The following SMARCC2 variants were observed in gnomAD, a reference collection of about 807,000 sequenced individuals.
SMARCC2 encodes the protein SWI/SNF complex subunit SMARCC2.
In SMARCC2, 15 loss-of-function variants were observed where a neutral mutation model predicts 151.3. The ratio of observed to expected loss-of-function variants is 0.10; its 90% CI spans 0.07 to 0.15. SMARCC2 has a LOEUF of 0.15. Among genes scored for constraint, SMARCC2 ranks in the 10% least tolerant of loss-of-function variants. The pLI is 1.00. For synonymous variants in SMARCC2, 590 were observed against 609.5 expected (o/e 0.97, Z 0.47); for missense variants, 1,031 against 1,599.7 (o/e 0.64, Z 6.06).
At position 56,182,037 on chromosome 12, in the gene SMARCC2, C is replaced by T. The variant is rs749755036; in HGVS notation, c.675G>A (p.Val225=). Residue 225 remains valine, a synonymous_variant, in exon 8 of 29, where the codon GTG becomes GTA. Coordinates refer to ENST00000550164, the MANE Select transcript of SMARCC2 (RefSeq NM_001330288.2). ...GTTTCTCAGGAGTTGGAGCATCTTC[C>T]ACAGATGCCTCAATTTCACTCGCTG... The part of the protein sequence containing the change: ...WIPASEIEAS[V]EDAPTPEKPR... 6.2e-7 allele frequency: 1 copy of T among 1,612,736 alleles called. No homozygotes were observed. The highest frequency in any genetic ancestry group is 1.1e-5 in the South Asian group (1 of 90,858).
At chr12:56,172,887 C>T in intron 18 of SMARCC2, 50 bp downstream of exon 18, 2 of 1,600,738 alleles carry the variant, frequency 1.2e-6, no homozygotes, top group Non-Finnish European at 1.7e-6. Flanking sequence ...GCAGGGGCCC[C>T]CCAATAAAGG....
intron 15 of SMARCC2, among the ~76,000 whole-genome samples, chr12:56,176,284 G>T (rs560099021): frequency 6.6e-6 from 1 of 152,354 alleles, no homozygotes; most frequent in Admixed American, 6.5e-5. Flanking sequence ...AGAGAAGGAA[G>T]AGAGAACCAT....
intron 1 of SMARCC2, 27 bp downstream of exon 1, chr12:56,189,324 C>T (rs1178025384): frequency 7.0e-7 from 1 of 1,420,690 alleles, no homozygotes; most frequent in Non-Finnish European, 9.5e-7. Flanking sequence ...CCCCCGGTCC[C>T]CGCGCGGCCC....
Position 56,171,591 on chromosome 12 carries a change from A to G in SMARCC2, c.2185+88T>C. On this transcript the variant is annotated intron_variant, in intron 21 of 28. Transcript: ENST00000550164. The surrounding 1 kb of genome is among the most constrained non-coding windows in gnomAD (Gnocchi z 4.2). Reference sequence around the variant, plus strand: ...CCCGCACAGACAAGGCCAGCAGGGCAGCCAAACTTGAGAGGATTCACAGTC... The same window carrying G: ...CCCGCACAGACAAGGCCAGCAGGGCGGCCAAACTTGAGAGGATTCACAGTC... 6.7e-7 allele frequency: 1 copy of G among 1,502,454 alleles called. No individual in the cohort carries two copies. Among genetic ancestry groups the G allele is most frequent in the Non-Finnish European group, 9.0e-7 (1 of 1,117,138 alleles). The allele number at this position is 1,502,454 out of a possible 1,614,324, so 93.1% of individuals were successfully genotyped here.
Position 56,164,521 on chromosome 12 carries a change from T to C in SMARCC2, c.3443A>G (p.His1148Arg). 6.2e-7 allele frequency: 1 copy of C among 1,614,080 alleles called. No individual in the cohort carries two copies. Among genetic ancestry groups the C allele is most frequent in the Non-Finnish European group, 8.5e-7 (1 of 1,180,028 alleles). The change falls in exon 28 of 29, where the codon CAT becomes CGT. Residue 1148 changes from histidine to arginine, a missense_variant. By Grantham distance (29) the His-to-Arg change is conservative. Coordinates refer to ENST00000550164, the MANE Select transcript of SMARCC2 (RefSeq NM_001330288.2). ...SINLPAPPNL[H>R]GHHHHLPFAP... Reference sequence around the variant, plus strand: ...GAACGGGAGATGGTGGTGATGCCCATGCAGGTTAGGAGGAGCGGGGAGGTT... The same window carrying C: ...GAACGGGAGATGGTGGTGATGCCCACGCAGGTTAGGAGGAGCGGGGAGGTT...
chr12:56,180,482 C>T (rs1875976634), intron 11 of SMARCC2, among the ~76,000 whole-genome samples: 1 of 150,580 alleles, frequency 6.6e-6, no homozygotes, highest in Non-Finnish European at 1.5e-5. Flanking sequence ...CGGCTCCCTG[C>T]AACCTCTACC....
At chr12:56,178,670 A>G in intron 13 of SMARCC2, 136 bp from the exon 14 acceptor site, 1 of 1,387,396 alleles carries the variant, frequency 7.2e-7, no homozygotes, top group Non-Finnish European at 1.0e-6. Flanking sequence ...CAGGACTCTG[A>G]AAGGGTCAGA....
intron 6 of SMARCC2, 27 bp from the exon 7 acceptor site, chr12:56,183,957 G>T: frequency 3.2e-6 from 5 of 1,556,472 alleles, no homozygotes; most frequent in Non-Finnish European, 4.4e-6. Context: ...AGAAGGGAGA[G>T]ATATAAGCTA....
intron 25 of SMARCC2, 23 bp downstream of exon 25, chr12:56,169,506 A>C: frequency 6.2e-7 from 1 of 1,610,898 alleles, no homozygotes; most frequent in Non-Finnish European, 8.5e-7. Flanking sequence ...TTCTTCCCTG[A>C]GGTCTTCAAG....
Position 56,189,387 on chromosome 12 carries a change from G to C in SMARCC2, c.75C>G (p.Asp25Glu). 1 of 1,544,236 alleles carries C rather than the reference G, an allele frequency of 6.5e-7. No homozygotes were observed. Among genetic ancestry groups the C allele is most frequent in the Non-Finnish European group, 8.8e-7 (1 of 1,142,758 alleles). Residue 25 changes from aspartate to glutamate, a missense_variant, in exon 1 of 29, where the codon GAC becomes GAG. By Grantham distance (45) the Asp-to-Glu change is conservative. Coordinates refer to ENST00000550164, the MANE Select transcript of SMARCC2 (RefSeq NM_001330288.2). ...TCTTGCCGAGCCACAGCCGCACGTT[G>C]TCGAACTGGGTCACGGTGTCCGCGG... ...YEAADTVTQF[D>E]NVRLWLGKNY...
In SMARCC2 at chr12:56,163,735, G is replaced by A. The variant is rs1169500531; in HGVS notation, c.3692C>T (p.Thr1231Ile). Residue 1231 changes from threonine (T) to isoleucine (I), a missense_variant, in exon 29 of 29, where the codon ACA becomes ATA. By Grantham distance (89) the Thr-to-Ile change is moderately conservative (BLOSUM62 -1). Around this residue, in one of 12 missense-constraint regions of SMARCC2, gnomAD observed 310 missense variants for 350.0 expected, o/e 0.89. Transcript: ENST00000550164. ...DPGTPLPPDP[T>I]APSPGTVTPV... is the part of the protein sequence containing the mutation. ...GGTGACCGTGCCTGGGCTCGGGGCT[G>A]TGGGGTCTGGAGGCAGGGGGGTGCC... 1.3e-6 allele frequency: 2 copies of A among 1,512,826 alleles called. No homozygotes were observed. The highest frequency in any genetic ancestry group is 1.8e-6 in the Non-Finnish European group (2 of 1,141,330). The allele number at this position is 1,512,826 out of a possible 1,614,324, so 93.7% of individuals were successfully genotyped here.
chr12:56,189,247 G>A, intron 1 of SMARCC2, 104 bp downstream of exon 1: 2 of 523,202 alleles, frequency 3.8e-6, no homozygotes, highest in Non-Finnish European at 5.9e-6. Flanking sequence ...GGCCGCGGGG[G>A]AGGGGCTGGG....
At chr12:56,185,337 C>A in intron 3 of SMARCC2, 1 of 483,962 alleles carries the variant, frequency 2.1e-6, no homozygotes, top group Non-Finnish European at 3.8e-6. Flanking sequence ...CACCACCTCA[C>A]GTGGCTAATT....
chr12:56,184,553 A>G, intron 5 of SMARCC2: 2 of 538,588 alleles, frequency 3.7e-6, no homozygotes, highest in Non-Finnish European at 6.6e-6. Context: ...TCCAAAGAGC[A>G]GGAATTTCAT....
Position 56,181,607 on chromosome 12 carries a change from G to A in SMARCC2, c.841-10C>T, listed in dbSNP as rs1289085357. On this transcript the variant is annotated splice_polypyrimidine_tract_variant and intron_variant, in intron 9 of 28. Transcript: ENST00000550164. ...AATCTGGGCTGTTCACCTATAGGAT[G>A]GAGAATCAGGACAAATGTCAGCCTA... is the stretch of plus-strand genomic sequence containing the variant. 5.0e-6 allele frequency: 8 copies of A among 1,604,798 alleles called. No homozygotes were observed. Among genetic ancestry groups the A allele is most frequent in the Middle Eastern group, 3.3e-4 (2 of 6,052 alleles).
rs1000278484 is a variant in SMARCC2, at chr12:56,162,458, C to T, written c.*1231G>A. On this transcript the variant is annotated 3_prime_UTR_variant, in exon 29 of 29. Coordinates refer to ENST00000550164, the MANE Select transcript of SMARCC2 (RefSeq NM_001330288.2). ...TTTGAACAGAAGAAAGGTGCTAAGA[C>T]GCAGAGGGAGAGAAACATGGGGACA... The T allele has an allele frequency of 1.0e-5, 6 of 593,582 alleles. No individual in the cohort carries two copies. The highest frequency in any genetic ancestry group is 4.4e-5 in the South Asian group (2 of 45,680). The allele number at this position is 593,582 out of a possible 1,614,324, so 36.8% of individuals were successfully genotyped here.
At chr12:56,176,057 C>T (rs1273938449) in intron 15 of SMARCC2, among the ~76,000 whole-genome samples, 1 of 152,136 alleles carries the variant, frequency 6.6e-6, no homozygotes, top group Non-Finnish European at 1.5e-5. Context: ...CGGGGTTTCA[C>T]CATGTTGGCC....
rs775888412 is a variant in SMARCC2 at position 56,187,312 on chromosome 12, G to A, written c.112-6C>T. The A allele has an allele frequency of 1.2e-6, 2 of 1,606,382 alleles. No individual in the cohort carries two copies. Among genetic ancestry groups the A allele is most frequent in the Non-Finnish European group, 1.7e-6 (2 of 1,175,500 alleles). ...GGTGGTTCAGCTTGTATATACTAAGGAAAAAGAGGGAAAGGAAAGAAAAAT... is the reference window on the plus strand; with the variant it reads ...GGTGGTTCAGCTTGTATATACTAAGAAAAAAGAGGGAAAGGAAAGAAAAAT... On this transcript the variant is annotated splice_polypyrimidine_tract_variant and splice_region_variant and intron_variant, in intron 1 of 28. Transcript: ENST00000550164.
intron 3 of SMARCC2, chr12:56,185,681 T>A (rs557270789): frequency 6.0e-6 from 1 of 166,318 alleles, no homozygotes; most frequent in Non-Finnish European, 1.3e-5. Flanking sequence ...TTTTGCCAAG[T>A]TGGCCAGGCT....
Sources: gnomAD v4.1 joint callset for allele counts (sites outside exome capture counted in the v4.1 genomes callset) on GRCh38, gnomAD v4.1.1 for gene constraint, gnomAD v4.1.1 regional missense constraint, Gnocchi (gnomAD v3.1) non-coding constraint, MANE v1.5 for transcripts, NCBI Gene and HGNC (gene_info 2026-07-23, HGNC 2026-07-21) for gene names.